Variants in ARMC3 observed in about 807,000 individuals in gnomAD.
ARMC3 encodes armadillo repeat-containing protein 3.
ARMC3 carries 74 observed loss-of-function variants against 90.3 expected under a neutral mutation model. That is an observed-to-expected ratio of 0.82 (90% CI 0.68 to 0.99). The LOEUF (loss-of-function observed/expected upper bound fraction) is 0.99. Among genes scored for constraint, ARMC3 ranks in the 50% least tolerant of loss-of-function variants. The pLI, the probability that ARMC3 is intolerant of heterozygous loss-of-function variation, is 0.00. For synonymous variants in ARMC3, 334 were observed against 361.8 expected, an observed-to-expected ratio of 0.92 and a Z score of 0.87; for missense variants, 958 against 1,042.8, an observed-to-expected ratio of 0.92 and a Z score of 1.12.
chr10:23,014,180 T>G, intron 16 of ARMC3: 1 of 1,548,754 alleles, frequency 6.5e-7, no homozygotes, highest in Non-Finnish European at 8.7e-7. Context: ...CACAGAGACT[T>G]TGGATTCAGA....
intron 1 of ARMC3, among the ~76,000 whole-genome samples, 200 bp from the exon 2 acceptor site, chr10:22,931,796 A>C (rs1220937255): frequency 6.6e-6 from 1 of 152,234 alleles, no homozygotes; most frequent in Non-Finnish European, 1.5e-5. Flanking sequence ...GATCTTATCA[A>C]TAAGTTCCTT....
At chr10:23,026,989 C>G in intron 16 of ARMC3, among the ~76,000 whole-genome samples, 1 of 152,156 alleles carries the variant, frequency 6.6e-6, no homozygotes, top group East Asian at 1.9e-4. Context: ...GTCTATCCCT[C>G]TACTAGTATC....
At chr10:22,983,785 C>A (rs926190623) in intron 10 of ARMC3, among the ~76,000 whole-genome samples, 4 of 152,168 alleles carry the variant, frequency 2.6e-5, no homozygotes, top group Non-Finnish European at 4.4e-5. Flanking sequence ...ACCACATAGT[C>A]CTTCTAGAAG....
chr10:22,970,860 G>A (rs1296921087), intron 8 of ARMC3, among the ~76,000 whole-genome samples: 2 of 152,132 alleles, frequency 1.3e-5, no homozygotes, highest in Non-Finnish European at 2.9e-5. Flanking sequence ...TGAAGAAAAG[G>A]AATCAATCCT....
At chr10:23,023,384 C>T (rs1001252355) in intron 16 of ARMC3, among the ~76,000 whole-genome samples, 5 of 152,150 alleles carry the variant, frequency 3.3e-5, no homozygotes, top group African/African-American at 4.8e-5. Context: ...TGCTAAAATA[C>T]ATAAAGAGAG....
intron 2 of ARMC3, among the ~76,000 whole-genome samples, chr10:22,945,893 A>G (rs1227572891): frequency 3.3e-5 from 5 of 152,194 alleles, no homozygotes; most frequent in Admixed American, 3.3e-4. Context: ...ACATGGCTAA[A>G]TTGAGAAACT....
intron 2 of ARMC3, among the ~76,000 whole-genome samples, chr10:22,944,648 C>A: frequency 6.6e-6 from 1 of 152,200 alleles, no homozygotes; most frequent in East Asian, 1.9e-4. Context: ...CCACATGTGT[C>A]ACTTGGGTGA....
chr10:23,012,948 G>A (rs1170765216), intron 16 of ARMC3, among the ~76,000 whole-genome samples: 1 of 150,102 alleles, frequency 6.7e-6, no homozygotes, highest in African/African-American at 2.5e-5. Flanking sequence ...GAGTGCAATG[G>A]TGTGATCCTG....
Position 23,037,295 on chromosome 10 carries a change from G to A in ARMC3, c.2435G>A (p.Gly812Asp). 6.2e-7 allele frequency: 1 copy of A among 1,602,978 alleles called. No homozygotes were observed. The highest frequency in any genetic ancestry group is 8.5e-7 in the Non-Finnish European group (1 of 1,172,236). ...FKALADRIGI[G>D]CSLVRGEYGR... is the part of the protein sequence containing the mutation. Reference sequence around the variant, plus strand: ...GCTCTGGCTGATAGAATTGGCATTGGTTGCTCCCTAGTTCGCGGAGAGTAC... The same window carrying A: ...GCTCTGGCTGATAGAATTGGCATTGATTGCTCCCTAGTTCGCGGAGAGTAC... The change falls in exon 19 of 19, where the codon GGT becomes GAT. Residue 812 changes from glycine to aspartate, a missense_variant. Physicochemically the swap from Gly to Asp is moderately conservative, Grantham distance 94 (BLOSUM62 -1). Transcript: ENST00000298032.
rs116684675 is a variant in ARMC3 at position 23,018,835 on chromosome 10, G to A, written c.2045+9904G>A. ...CTGGCCGCACCTTGGTAATTTTTAAGGAAAAACAGCTAAAGCCAAAAACTG... is the reference window on the plus strand; with the variant it reads ...CTGGCCGCACCTTGGTAATTTTTAAAGAAAAACAGCTAAAGCCAAAAACTG... On this transcript the variant is annotated intron_variant, in intron 16 of 18. Coordinates refer to ENST00000298032, the MANE Select transcript of ARMC3 (RefSeq NM_173081.5). Among the ~76,000 whole-genome samples the A allele has an allele frequency of 2.4e-3, 362 of 152,222 alleles. 1 individual carries two copies. Among genetic ancestry groups the A allele is most frequent in the African/African-American group, 8.4e-3 (349 of 41,526 alleles).
rs557256150 is a variant in ARMC3, at chr10:23,034,162, A to G, written c.2409+1139A>G. Reference sequence around the variant, plus strand: ...CCTTTCCTATTCCCTTGGATTTCCTATTCCCTTTCCTATTCCCTTGGATTG... The same window carrying G: ...CCTTTCCTATTCCCTTGGATTTCCTGTTCCCTTTCCTATTCCCTTGGATTG... On this transcript the variant is annotated intron_variant, in intron 18 of 18. Transcript: ENST00000298032. Among the ~76,000 whole-genome samples the G allele has an allele frequency of 6.6e-5, 10 of 150,466 alleles. 1 individual carries two copies. The South Asian group carries it at 2.1e-3, about 32-fold the overall frequency.
intron 2 of ARMC3, among the ~76,000 whole-genome samples, chr10:22,945,747 C>T (rs760985167): frequency 2.6e-5 from 4 of 152,112 alleles, no homozygotes; most frequent in Non-Finnish European, 4.4e-5. Flanking sequence ...TGCCAGATGA[C>T]GTGCTAAGTG....
At chr10:22,958,071 ACACACACACAAACC>A (rs1029969242) in intron 4 of ARMC3, among the ~76,000 whole-genome samples, 19 of 152,246 alleles carry the variant, frequency 1.2e-4, no homozygotes, top group Admixed American at 1.1e-3. Flanking sequence ...CAAAACAAAA[ACACACACACAAACC>A]TTTGTAATAT....
At chr10:22,973,117 G>C (rs1835747116) in intron 8 of ARMC3, among the ~76,000 whole-genome samples, 1 of 151,838 alleles carries the variant, frequency 6.6e-6, no homozygotes, top group South Asian at 2.1e-4. Context: ...AACAGAGCAA[G>C]ACCCCCCATC....
chr10:23,013,802 GATTT>G (rs1183204122), intron 16 of ARMC3, among the ~76,000 whole-genome samples: 4 of 151,622 alleles, frequency 2.6e-5, no homozygotes, highest in Non-Finnish European at 2.9e-5. Context: ...GATTTGTGTT[GATTT>G]ATTTGTCTTT....
intron 13 of ARMC3, among the ~76,000 whole-genome samples, 195 bp downstream of exon 13, chr10:23,003,609 G>T (rs1315205297): frequency 3.9e-5 from 6 of 152,138 alleles, no homozygotes; most frequent in Admixed American, 3.9e-4. Context: ...ACTAGAATCT[G>T]CTTACTTGTA....
rs77420004 is a variant in ARMC3, at chr10:22,933,109, G to A, written c.48+1065G>A. On this transcript the variant is annotated intron_variant, in intron 2 of 18. Coordinates refer to ENST00000298032, the MANE Select transcript of ARMC3 (RefSeq NM_173081.5). ...CACCCCTGTGCAATCCACTGGGTATGATACTTCAATACAGTTGGGAACAAA... is the reference window on the plus strand; with the variant it reads ...CACCCCTGTGCAATCCACTGGGTATAATACTTCAATACAGTTGGGAACAAA... 4.7e-3 allele frequency among the ~76,000 whole-genome samples: 711 copies of A among 152,270 alleles called. 3 individuals are homozygous for A. Among genetic ancestry groups the A allele is most frequent in the African/African-American group, 0.016 (667 of 41,548 alleles).
At chr10:22,933,559 C>T (rs1393387360) in intron 2 of ARMC3, among the ~76,000 whole-genome samples, 3 of 152,050 alleles carry the variant, frequency 2.0e-5, no homozygotes, top group South Asian at 2.1e-4. Context: ...TAGCCAATGG[C>T]GGGTGTAACA....
At position 22,962,076 on chromosome 10, in the gene ARMC3, A is replaced by C; in HGVS notation, c.730A>C (p.Lys244Gln). 1.9e-6 allele frequency: 3 copies of C among 1,552,812 alleles called. No individual in the cohort carries two copies. In the South Asian group the frequency reaches 3.7e-5, roughly 19 times the overall value. The change falls in exon 7 of 19, where the codon AAG (lysine) becomes CAG (glutamine). Residue 244 changes from lysine to glutamine, a missense_variant and splice_region_variant. By Grantham distance (53) the Lys-to-Gln change is moderately conservative. Coordinates refer to ENST00000298032, the MANE Select transcript of ARMC3 (RefSeq NM_173081.5). ...LDHLIKILET[K>Q]ELNDLHIEAL... ...CCATCTTATTAAGATCCTAGAAACT[A>C]AGGTATTTAGTTTCATTCATTCCAC...
Sources: gnomAD v4.1 joint callset for allele counts (sites outside exome capture counted in the v4.1 genomes callset) on GRCh38, gnomAD v4.1.1 for gene constraint, MANE v1.5 for transcripts, NCBI Gene and HGNC (gene_info 2026-07-23, HGNC 2026-07-21) for gene names.